The following BCL11B variants were observed in gnomAD, a reference collection of about 807,000 sequenced individuals.
BCL11B encodes B-cell lymphoma/leukemia 11B.
BCL11B carries 8 observed loss-of-function variants against 49.9 expected under a neutral mutation model. The ratio of observed to expected loss-of-function variants is 0.16; its 90% CI spans 0.09 to 0.29. BCL11B has a LOEUF of 0.29. Ranked by LOEUF, BCL11B falls within the 10% of genes least tolerant of loss-of-function variation. The probability of loss-of-function intolerance (pLI) is 1.00; values close to 1 mark genes in which losing one functional copy is unlikely to be tolerated. For synonymous variants in BCL11B, 739 were observed against 637.4 expected (o/e 1.16, Z -2.40); for missense variants, 1,006 against 1,351.0 (o/e 0.74, Z 4.00).
rs990898783 is a variant in BCL11B, at chr14:99,174,642, C to G, written c.2194G>C (p.Ala732Pro). 6.4e-7 allele frequency: 1 copy of G among 1,574,316 alleles called. No individual in the cohort carries two copies. The highest frequency in any genetic ancestry group is 1.4e-5 in the African/African-American group (1 of 72,066). The part of the protein sequence containing the change: ...MKDPFLGFTD[A>P]RQSPFATSSE... ...GACGTGGCGAAGGGCGACTGTCGTGCGTCCGTGAAGCCCAGGAAGGGGTCC... is the reference window on the plus strand; with the variant it reads ...GACGTGGCGAAGGGCGACTGTCGTGGGTCCGTGAAGCCCAGGAAGGGGTCC... The change falls in exon 4 of 4, where the codon GCA becomes CCA. Residue 732 changes from alanine (A) to proline (P), a missense_variant. Ala to Pro is a conservative substitution (Grantham distance 27). Around this residue, in one of 6 missense-constraint regions of BCL11B, gnomAD observed 443 missense variants for 499.7 expected, o/e 0.89. Transcript: ENST00000357195.
At chr14:99,200,989 G>A (rs1228052316) in intron 3 of BCL11B, among the ~76,000 whole-genome samples, 4 of 152,202 alleles carry the variant, frequency 2.6e-5, no homozygotes. Flanking sequence ...GCTTGGGGAA[G>A]TGGCACAGCC....
Position 99,231,837 on chromosome 14 carries a change from G to T in BCL11B, c.428-280C>A, listed in dbSNP as rs1196695768. Among the ~76,000 whole-genome samples the T allele has an allele frequency of 1.3e-5, 2 of 151,758 alleles. No individual in the cohort carries two copies. Among genetic ancestry groups the T allele is most frequent in the African/African-American group, 4.8e-5 (2 of 41,360 alleles). On this transcript the variant is annotated intron_variant, in intron 2 of 3. Coordinates refer to ENST00000357195, the MANE Select transcript of BCL11B (RefSeq NM_138576.4). The surrounding 1 kb of genome is among the most constrained non-coding windows in gnomAD (Gnocchi z 8.1). The stretch of plus-strand genomic sequence containing the variant: ...CCCGCCTCTGGGGGCCTGGTGCAGG[G>T]GGCTGGGTGAACGGGGGCTGTGAGG...
chr14:99,266,440 C>T (rs1287918084), intron 1 of BCL11B, among the ~76,000 whole-genome samples: 1 of 152,048 alleles, frequency 6.6e-6, no homozygotes, highest in Non-Finnish European at 1.5e-5. Context: ...GGAAAACACA[C>T]CCATTCAAAA....
chr14:99,255,629 A>G lies in BCL11B; in HGVS notation c.427+1842T>C, dbSNP rs144592941. Reference sequence around the variant, plus strand: ...AAAAGCAGCAAATCTTTCCATGGAAACATAAATAGGCGGCCCGAGTCTCCC... The same window carrying G: ...AAAAGCAGCAAATCTTTCCATGGAAGCATAAATAGGCGGCCCGAGTCTCCC... On this transcript the variant is annotated intron_variant, in intron 2 of 3. Coordinates refer to ENST00000357195, the MANE Select transcript of BCL11B (RefSeq NM_138576.4). Among the ~76,000 whole-genome samples the G allele has an allele frequency of 7.2e-5, 11 of 152,342 alleles. No individual in the cohort carries two copies. The East Asian group carries it at 1.5e-3, about 21-fold the overall frequency.
chr14:99,218,668 G>T (rs1047421147), intron 3 of BCL11B, among the ~76,000 whole-genome samples: 5 of 152,090 alleles, frequency 3.3e-5, no homozygotes, highest in African/African-American at 4.8e-5. Context: ...GACCAGCTGG[G>T]TTTCCTGCCC....
rs762756917 is a variant in BCL11B, at chr14:99,175,020, C to A, written c.1816G>T (p.Ala606Ser). ...GKVMENVGLG[A>S]LPQYGELLAD... ...AGGAGCTCGCCGTACTGCGGCAGTG[C>A]GCCTAGGCCCACGTTCTCCATGACC... is the stretch of plus-strand genomic sequence containing the variant. Residue 606 changes from alanine (A) to serine (S), a missense_variant, in exon 4 of 4, where the codon GCA becomes TCA. Ala to Ser is a moderately conservative substitution (Grantham distance 99, BLOSUM62 1). Around this residue, in one of 6 missense-constraint regions of BCL11B, gnomAD observed 443 missense variants for 499.7 expected, o/e 0.89. Transcript: ENST00000357195. 1 of 1,593,646 alleles carries A rather than the reference C, an allele frequency of 6.3e-7. No homozygotes were observed. Among genetic ancestry groups the A allele is most frequent in the African/African-American group, 1.3e-5 (1 of 74,190 alleles).
intron 3 of BCL11B, among the ~76,000 whole-genome samples, chr14:99,209,995 A>G (rs1398918764): frequency 6.6e-6 from 1 of 151,998 alleles, no homozygotes; most frequent in African/African-American, 2.4e-5. Flanking sequence ...GGCTGAGGAA[A>G]TGGTGTGAGG....
chr14:99,255,188 A>AGCT (rs1279463264), intron 2 of BCL11B, among the ~76,000 whole-genome samples: 1 of 152,200 alleles, frequency 6.6e-6, no homozygotes, highest in East Asian at 1.9e-4. Context: ...GGTCGTCTTC[A>AGCT]GCTGACACAG....
At position 99,271,243 on chromosome 14, in the gene BCL11B, G is replaced by T; in HGVS notation, c.-25C>A. 2 of 1,492,546 alleles carry T rather than the reference G, an allele frequency of 1.3e-6. No individual in the cohort carries two copies. The highest frequency in any genetic ancestry group is 1.3e-5 in the South Asian group (1 of 75,820). The allele number at this position is 1,492,546 out of a possible 1,614,324, so 92.5% of individuals were successfully genotyped here. On this transcript the variant is annotated 5_prime_UTR_variant, in exon 1 of 4. Transcript: ENST00000357195. ...TTGCCCCGGCATCTATTCTGGCATC[G>T]CCCGGAGAGCTGCACTGATGGGGGG...
At position 99,248,421 on chromosome 14, in the gene BCL11B, C is replaced by A. The variant is rs1056659272; in HGVS notation, c.427+9050G>T. ...CTGTGTGCCCAGAGGTCACTGGCCGCCCCCAGCAGGCTCTGGGCCAGGGTG... is the reference window on the plus strand; with the variant it reads ...CTGTGTGCCCAGAGGTCACTGGCCGACCCCAGCAGGCTCTGGGCCAGGGTG... On this transcript the variant is annotated intron_variant, in intron 2 of 3. Coordinates refer to ENST00000357195, the MANE Select transcript of BCL11B (RefSeq NM_138576.4). This position sits in a 1 kb window ranked among gnomAD's most constrained non-coding sequence, Gnocchi z 4.7. 6.6e-6 allele frequency among the ~76,000 whole-genome samples: 1 copy of A among 152,172 alleles called. No homozygotes were observed. Among genetic ancestry groups the A allele is most frequent in the Non-Finnish European group, 1.5e-5 (1 of 68,030 alleles).
At chr14:99,215,564 T>A (rs1887810371) in intron 3 of BCL11B, among the ~76,000 whole-genome samples, 1 of 152,248 alleles carries the variant, frequency 6.6e-6, no homozygotes, top group South Asian at 2.1e-4. Flanking sequence ...ATAGTAAGGC[T>A]GGCTCCAGCA....
At chr14:99,176,323 A>AG in intron 3 of BCL11B, 128 bp from the exon 4 acceptor site, 3 of 838,516 alleles carry the variant, frequency 3.6e-6, no homozygotes, top group Non-Finnish European at 5.3e-6. Context: ...CCTGCCTGAC[A>AG]GGGGCTGCAG....
At chr14:99,218,071 T>G (rs1055476219) in intron 3 of BCL11B, among the ~76,000 whole-genome samples, 5 of 142,634 alleles carry the variant, frequency 3.5e-5, no homozygotes, top group Non-Finnish European at 6.2e-5. Flanking sequence ...GTTTTTTTTT[T>G]TTTTTTTTTT....
At chr14:99,269,728 G>C (rs967499634) in intron 1 of BCL11B, among the ~76,000 whole-genome samples, 2 of 151,026 alleles carry the variant, frequency 1.3e-5, no homozygotes, top group Non-Finnish European at 1.5e-5. Flanking sequence ...CCGGCAGCCA[G>C]TCCTCTGCGG....
chr14:99,171,345 C>T lies in BCL11B; in HGVS notation c.*2806G>A, dbSNP rs1333522051. ...CTCCTGTACAATAGGACTTAACATA[C>T]AAATGTGTTTTTTTTGCAATATTTT... is the stretch of plus-strand genomic sequence containing the variant. On this transcript the variant is annotated 3_prime_UTR_variant, in exon 4 of 4. Coordinates refer to ENST00000357195, the MANE Select transcript of BCL11B (RefSeq NM_138576.4). The T allele has an allele frequency of 4.5e-6, 1 of 222,104 alleles. No homozygotes were observed. The highest frequency in any genetic ancestry group is 9.0e-6 in the Non-Finnish European group (1 of 111,014). The allele number at this position is 222,104 out of a possible 1,614,324, so 13.8% of individuals were successfully genotyped here. A position where few individuals can be genotyped will look rare whatever the true frequency, so the allele number is the denominator to read the frequency against.
At position 99,247,026 on chromosome 14, in the gene BCL11B, C is replaced by A. The variant is rs550865274; in HGVS notation, c.427+10445G>T. Among the ~76,000 whole-genome samples, 5 of 152,240 alleles carry A rather than the reference C, an allele frequency of 3.3e-5. No homozygotes were observed. Among genetic ancestry groups the A allele is most frequent in the African/African-American group, 1.2e-4 (5 of 41,550 alleles). On this transcript the variant is annotated intron_variant, in intron 2 of 3. Transcript: ENST00000357195. The surrounding 1 kb of genome is among the most constrained non-coding windows in gnomAD (Gnocchi z 4.5). ...GGCTCCGCAGCCTGGAGCCTCGCGT[C>A]CCGCCTCCCCGCAACACGCTGTTTT...
Position 99,174,462 on chromosome 14 carries a change from C to T in BCL11B, c.2374G>A (p.Gly792Ser). The change falls in exon 4 of 4, where the codon GGC becomes AGC. Residue 792 changes from glycine (G) to serine (S), a missense_variant. Physicochemically the swap from Gly to Ser is moderately conservative, Grantham distance 56. Transcript: ENST00000357195. ...PGPGRPSSKE[G>S]RRSDTCEYCG... is the part of the protein sequence containing the mutation. ...TACTCGCACGTGTCGCTGCGGCGGCCCTCCTTGGAGCTGGGCCGCCCGGGG... is the reference window on the plus strand; with the variant it reads ...TACTCGCACGTGTCGCTGCGGCGGCTCTCCTTGGAGCTGGGCCGCCCGGGG... 1 of 1,605,280 alleles carries T rather than the reference C, an allele frequency of 6.2e-7. No individual in the cohort carries two copies. The highest frequency in any genetic ancestry group is 8.5e-7 in the Non-Finnish European group (1 of 1,177,042).
At chr14:99,236,421 C>T (rs1888501037) in intron 2 of BCL11B, among the ~76,000 whole-genome samples, 1 of 152,112 alleles carries the variant, frequency 6.6e-6, no homozygotes, top group Non-Finnish European at 1.5e-5. Context: ...CTCCTCCCAC[C>T]CCAACGGGAA....
At chr14:99,214,741 G>A (rs905066949) in intron 3 of BCL11B, among the ~76,000 whole-genome samples, 4 of 152,114 alleles carry the variant, frequency 2.6e-5, no homozygotes, top group African/African-American at 7.2e-5. Flanking sequence ...TGGGGACCCG[G>A]CAGGACGGTG....
Sources: allele counts gnomAD v4.1 joint callset (sites outside exome capture counted in the v4.1 genomes callset), GRCh38; gene constraint gnomAD v4.1.1; regional missense constraint gnomAD v4.1.1; non-coding constraint Gnocchi (gnomAD v3.1); transcripts MANE v1.5; gene names NCBI Gene and HGNC (gene_info 2026-07-23, HGNC 2026-07-21).